The following PTPRN2 variants were observed in gnomAD, a reference collection of about 807,000 sequenced individuals.
The protein encoded by PTPRN2 is protein tyrosine phosphatase receptor type N2.
PTPRN2 carries 74 observed loss-of-function variants against 118.8 expected under a neutral mutation model. That is an observed-to-expected ratio of 0.62 (90% CI 0.52 to 0.76). The LOEUF (loss-of-function observed/expected upper bound fraction) is 0.76, where lower values mean the gene tolerates loss of function less well. Among genes scored for constraint, PTPRN2 ranks in the 30% least tolerant of loss-of-function variants. The pLI is 0.00. For synonymous variants in PTPRN2, 641 were observed against 608.0 expected, an observed-to-expected ratio of 1.05 and a Z score of -0.80; for missense variants, 1,481 against 1,394.4, an observed-to-expected ratio of 1.06 and a Z score of -0.99.
chr7:157,701,687 G>C (rs554191827), intron 12 of PTPRN2, among the ~76,000 whole-genome samples: 1 of 152,372 alleles, frequency 6.6e-6, no homozygotes, highest in South Asian at 2.1e-4. Context: ...AAGCACTGCG[G>C]TTCTAGGTAT....
chr7:158,092,183 C>T (rs905892794), intron 10 of PTPRN2, among the ~76,000 whole-genome samples: 1 of 150,298 alleles, frequency 6.7e-6, no homozygotes, highest in African/African-American at 2.5e-5. Flanking sequence ...GATATATATA[C>T]ACATATACAT....
chr7:157,734,855 G>A (rs1271747809), intron 12 of PTPRN2, among the ~76,000 whole-genome samples: 1 of 152,238 alleles, frequency 6.6e-6, no homozygotes, highest in South Asian at 2.1e-4. Flanking sequence ...ACCCACACCA[G>A]GACCTGGCGC....
At chr7:157,776,122 ACCTCCTCCCTCT>A (rs1239017246) in intron 12 of PTPRN2, among the ~76,000 whole-genome samples, 1 of 78,358 alleles carries the variant, frequency 1.3e-5, no homozygotes, top group East Asian at 3.8e-4. Context: ...CTCCTTTTTC[ACCTCCTCCCTCT>A]CCTCCTCCCT....
intron 11 of PTPRN2, among the ~76,000 whole-genome samples, chr7:157,907,486 C>T (rs1396723855): frequency 2.1e-5 from 3 of 141,760 alleles, no homozygotes; most frequent in Admixed American, 7.0e-5. Context: ...CTGTCCCCTG[C>T]GTGTGGGGTG....
chr7:158,071,366 CATGGTGGTGGAGGTGCT>C (rs1811535636), intron 11 of PTPRN2, among the ~76,000 whole-genome samples: 1 of 50,218 alleles, frequency 2.0e-5, no homozygotes, highest in Non-Finnish European at 3.7e-5. Context: ...TGGAGGTGCT[CATGGTGGTGGAGGTGCT>C]CGTGGTGGAG....
chr7:157,663,220 C>A (rs1157113470), intron 13 of PTPRN2, among the ~76,000 whole-genome samples: 1 of 152,046 alleles, frequency 6.6e-6, no homozygotes, highest in African/African-American at 2.4e-5. Flanking sequence ...GAACAGCGCA[C>A]CAGGCCCGCG....
intron 11 of PTPRN2, among the ~76,000 whole-genome samples, chr7:158,071,748 A>AGATGCTCGTGGTGATGGAGGTGCTTGTGG (rs1563393267): frequency 3.7e-5 from 1 of 27,158 alleles, no homozygotes; most frequent in African/African-American, 1.6e-4. Flanking sequence ...GGAGGTGCTC[A>AGATGCTCGTGGTGATGGAGGTGCTTGTGG]TGGTGGAGGT....
intron 2 of PTPRN2, among the ~76,000 whole-genome samples, chr7:158,414,180 C>T (rs960511097): frequency 2.0e-5 from 3 of 151,644 alleles, no homozygotes; most frequent in African/African-American, 7.3e-5. Context: ...ACTTCCAGAG[C>T]GTAGGGAATC....
At chr7:158,323,530 G>C (rs1250374493) in intron 2 of PTPRN2, among the ~76,000 whole-genome samples, 1 of 152,214 alleles carries the variant, frequency 6.6e-6, no homozygotes. Flanking sequence ...GGTTTGCTTA[G>C]AGACACTTTT....
intron 11 of PTPRN2, among the ~76,000 whole-genome samples, chr7:157,945,051 A>T (rs577140671): frequency 6.6e-6 from 1 of 152,088 alleles, no homozygotes; most frequent in East Asian, 1.9e-4. Context: ...TCCTGCTCTC[A>T]CCGAGTCAGG....
intron 2 of PTPRN2, among the ~76,000 whole-genome samples, chr7:158,429,854 A>G (rs1816024147): frequency 6.6e-6 from 1 of 152,222 alleles, no homozygotes; most frequent in Admixed American, 6.5e-5. Context: ...GTGATCATTT[A>G]AAAGGAAGAT....
In PTPRN2 at chr7:157,690,935, C is replaced by G. The variant is rs1247226625; in HGVS notation, c.1789-7998G>C. ...GGCTCAGGGCGGGCTCCGGACGGTC[C>G]CGGTAGGGCCGCCGGCCGCGCGCGT... is the stretch of plus-strand genomic sequence containing the variant. On this transcript the variant is annotated intron_variant, in intron 12 of 22. Coordinates refer to ENST00000389418, the MANE Select transcript of PTPRN2 (RefSeq NM_002847.5). This position sits in a 1 kb window ranked among gnomAD's most constrained non-coding sequence, Gnocchi z 7.1. Among the ~76,000 whole-genome samples, 1 of 145,724 alleles carries G rather than the reference C, an allele frequency of 6.9e-6. No individual in the cohort carries two copies. The highest frequency in any genetic ancestry group is 2.5e-5 in the African/African-American group (1 of 40,636).
chr7:158,375,262 G>A (rs1275988843), intron 2 of PTPRN2, among the ~76,000 whole-genome samples: 1 of 152,214 alleles, frequency 6.6e-6, no homozygotes, highest in Non-Finnish European at 1.5e-5. Context: ...TCAGCAGAGG[G>A]CTTGTCATGT....
chr7:158,265,605 C>T (rs1797820156), intron 3 of PTPRN2, among the ~76,000 whole-genome samples: 3 of 152,230 alleles, frequency 2.0e-5, no homozygotes, highest in Non-Finnish European at 4.4e-5. Context: ...GAAGGGATCA[C>T]CTGGTGCCAT....
At chr7:158,059,880 C>T (rs1810177668) in intron 11 of PTPRN2, among the ~76,000 whole-genome samples, 1 of 112,090 alleles carries the variant, frequency 8.9e-6, no homozygotes, top group Non-Finnish European at 1.8e-5. Flanking sequence ...CACGGTGAGA[C>T]ATCACTGCAG....
intron 12 of PTPRN2, among the ~76,000 whole-genome samples, chr7:157,772,314 T>C (rs866607156): frequency 0.031 from 2,160 of 68,714 alleles, 66 homozygotes; most frequent in African/African-American, 0.18. Context: ...CAGACACACA[T>C]AGACACAGAC....
chr7:158,540,497 G>A (rs970128343), intron 1 of PTPRN2, among the ~76,000 whole-genome samples: 1 of 152,092 alleles, frequency 6.6e-6, no homozygotes, highest in Admixed American at 6.5e-5. Context: ...CCCAGGCTGG[G>A]CCCCCCACCT....
intron 1 of PTPRN2, among the ~76,000 whole-genome samples, chr7:158,523,482 T>TGGAGC (rs1824408157): frequency 1.8e-5 from 2 of 109,934 alleles, no homozygotes; most frequent in Non-Finnish European, 1.8e-5. Flanking sequence ...TCCTCTGCCC[T>TGGAGC]GGAGTGGAGT....
chr7:158,278,866 T>C (rs536736650), intron 3 of PTPRN2, among the ~76,000 whole-genome samples: 1 of 152,218 alleles, frequency 6.6e-6, no homozygotes, highest in East Asian at 1.9e-4. Flanking sequence ...CTCTATGGCT[T>C]CAAGAGTGAA....
Sources: gnomAD v4.1 joint callset for allele counts (sites outside exome capture counted in the v4.1 genomes callset) on GRCh38, gnomAD v4.1.1 for gene constraint, Gnocchi (gnomAD v3.1) non-coding constraint, MANE v1.5 for transcripts, NCBI Gene and HGNC (gene_info 2026-07-23, HGNC 2026-07-21) for gene names.